TTC23L: variants seen among roughly 807,000 people sequenced by gnomAD.
TTC23L encodes tetratricopeptide repeat domain 23 like, also known as tetratricopeptide repeat protein 23-like.
Under a neutral mutation model 48.1 loss-of-function variants are expected in TTC23L, and 42 were observed. That is an observed-to-expected ratio of 0.87 (90% CI 0.68 to 1.13). The LOEUF (loss-of-function observed/expected upper bound fraction) is 1.13, where lower values mean the gene tolerates loss of function less well. Ranked by LOEUF, TTC23L falls within the 50% of genes most tolerant of loss-of-function variation. The pLI, the probability that TTC23L is intolerant of heterozygous loss-of-function variation, is 0.00. For synonymous variants in TTC23L, 159 were observed against 157.2 expected, an observed-to-expected ratio of 1.01 and a Z score of -0.09; for missense variants, 391 against 421.0, an observed-to-expected ratio of 0.93 and a Z score of 0.62.
At chr5:34,921,570 T>C in the TTC23L span, 3 of 152,192 alleles carry the variant, frequency 2.0e-5, no homozygotes, top group African/African-American at 7.2e-5. Context: ...CCGTAGGGCA[T>C]CTATTTTTAG....
At chr5:34,899,574 T>G (rs1216219353), downstream of TTC23L, 1 of 152,322 alleles carries the variant, frequency 6.6e-6, no homozygotes, top group African/African-American at 2.4e-5. Context: ...GCATTCCAGG[T>G]GAAATACCCA....
chr5:34,864,501 T>C (rs781616744), exon 6 of TTC23L: 1 of 1,613,776 alleles, frequency 6.2e-7, no homozygotes, highest in Non-Finnish European at 8.5e-7. Flanking sequence ...GAAAGAATTA[T>C]ATAAAGGAGG....
At chr5:34,924,887 G>T in the TTC23L span, 1 of 1,607,818 alleles carries the variant, frequency 6.2e-7, no homozygotes, top group Non-Finnish European at 8.5e-7. Context: ...ATAGGACCTC[G>T]TTTTGTCTTA....
intron 9 of TTC23L, among the ~76,000 whole-genome samples, chr5:34,891,716 T>C (rs939265934): frequency 2.0e-5 from 3 of 152,250 alleles, no homozygotes; most frequent in Admixed American, 2.0e-4. Context: ...ACAGAAGTTC[T>C]ACTCAGCTTG....
chr5:34,882,659 A>ACACACAC (rs56232363), intron 9 of TTC23L, among the ~76,000 whole-genome samples: 6 of 144,156 alleles, frequency 4.2e-5, no homozygotes, highest in South Asian at 2.2e-4. Context: ...ACACACACAC[A>ACACACAC]ATATCTTTTG....
the TTC23L span, chr5:34,915,872 A>G: frequency 1.2e-5 from 19 of 1,560,088 alleles, no homozygotes; most frequent in East Asian, 2.4e-5. Context: ...GAAGAGAGGG[A>G]CCGGATCCCA....
At chr5:34,891,733 A>C (rs1305261972) in intron 9 of TTC23L, among the ~76,000 whole-genome samples, 1 of 152,240 alleles carries the variant, frequency 6.6e-6, no homozygotes, top group Non-Finnish European at 1.5e-5. Flanking sequence ...CTTGTATTTA[A>C]AAATAGACAC....
intron 9 of TTC23L, among the ~76,000 whole-genome samples, chr5:34,882,673 A>C (rs2111691084): frequency 6.8e-6 from 1 of 147,710 alleles, no homozygotes; most frequent in Middle Eastern, 3.5e-3. Flanking sequence ...TCTTTTGATA[A>C]GTAGTTTAAT....
rs146646470 is a variant in TTC23L, at chr5:34,891,723, C to T, written c.1078-5047C>T. On this transcript the variant is annotated intron_variant, in intron 9 of 10. Coordinates refer to ENST00000505624, the Ensembl canonical transcript of TTC23L. ...AAAACTGAACAGAAGTTCTACTCAG[C>T]TTGTATTTAAAAATAGACACTTCAG... is the stretch of plus-strand genomic sequence containing the variant. 1.1e-4 allele frequency among the ~76,000 whole-genome samples: 17 copies of T among 152,260 alleles called. No homozygotes were observed. In the East Asian group the frequency reaches 2.3e-3, roughly 21 times the overall value.
chr5:34,913,015 A>G, the TTC23L span, among the ~76,000 whole-genome samples: 2 of 152,172 alleles, frequency 1.3e-5, no homozygotes, highest in African/African-American at 4.8e-5. Flanking sequence ...AACACCACAA[A>G]ATCATTTGGC....
chr5:34,903,497 T>C (rs893433892), downstream of TTC23L, among the ~76,000 whole-genome samples: 1 of 152,094 alleles, frequency 6.6e-6, no homozygotes, highest in East Asian at 1.9e-4. Context: ...CCCAAGTCCA[T>C]AGTTTACATG....
chr5:34,846,576 A>AAAAAAAAATATATATATAT (rs1208315692), intron 3 of TTC23L, among the ~76,000 whole-genome samples: 1 of 98,346 alleles, frequency 1.0e-5, no homozygotes, highest in African/African-American at 6.3e-5. Flanking sequence ...AAAAAAAAAA[A>AAAAAAAAATATATATATAT]ATATATATAT....
At chr5:34,902,957 C>A (rs1418969594), downstream of TTC23L, among the ~76,000 whole-genome samples, 1 of 149,318 alleles carries the variant, frequency 6.7e-6, no homozygotes. Context: ...TCAACAATGA[C>A]TGACATTAAA....
chr5:34,887,184 A>G lies in TTC23L; in HGVS notation c.1077+6876A>G, dbSNP rs191312559. On this transcript the variant is annotated intron_variant, in intron 9 of 10. Transcript: ENST00000505624. ...TAATGTGATCAGAAAATAGTAAATA[A>G]CAGAAGAAAGAGGAACTCATTTTGA... 2.0e-5 allele frequency among the ~76,000 whole-genome samples: 3 copies of G among 152,304 alleles called. No homozygotes were observed. The East Asian group carries it at 5.8e-4, about 29-fold the overall frequency.
At chr5:34,861,667 A>G (rs1760670557) in intron 4 of TTC23L, among the ~76,000 whole-genome samples, 1 of 152,080 alleles carries the variant, frequency 6.6e-6, no homozygotes, top group African/African-American at 2.4e-5. Flanking sequence ...CAAACTTTTA[A>G]ATTTATCCTT....
chr5:34,842,525 TAGTGGAC>T (rs1012402270), intron 2 of TTC23L, among the ~76,000 whole-genome samples: 1 of 152,144 alleles, frequency 6.6e-6, no homozygotes, highest in Non-Finnish European at 1.5e-5. Context: ...ACCTTGCCTC[TAGTGGAC>T]GAAGGCCCTG....
At chr5:34,909,005 TCC>T in the TTC23L span, 1 of 1,406,538 alleles carries the variant, frequency 7.1e-7, no homozygotes, top group African/African-American at 1.4e-5. Context: ...TGCTCAGAAC[TCC>T]CAAGTAAAGG....
the TTC23L span, chr5:34,913,530 G>A: frequency 8.1e-6 from 13 of 1,604,440 alleles, no homozygotes; most frequent in African/African-American, 2.7e-5. Context: ...AAATTAATTC[G>A]AAAAGTAACA....
chr5:34,921,577 T>TTTG, the TTC23L span: 1 of 152,192 alleles, frequency 6.6e-6, no homozygotes, highest in Non-Finnish European at 1.5e-5. Context: ...GCATCTATTT[T>TTTG]TAGTCTTTGT....
Sources: gnomAD v4.1 joint callset for allele counts (sites outside exome capture counted in the v4.1 genomes callset) on GRCh38, gnomAD v4.1.1 for gene constraint, MANE v1.5 for transcripts, NCBI Gene and HGNC (gene_info 2026-07-23, HGNC 2026-07-21) for gene names.